The following TENM3 variants were observed in gnomAD, a reference collection of about 807,000 sequenced individuals.
TENM3 encodes the protein teneurin transmembrane protein 3.
TENM3 carries 63 observed loss-of-function variants against 255.1 expected under a neutral mutation model. That is an observed-to-expected ratio of 0.25 (90% confidence interval 0.20 to 0.30). The LOEUF (loss-of-function observed/expected upper bound fraction) is 0.30, where lower values mean the gene tolerates loss of function less well. TENM3 is among the 10% of genes least tolerant of loss of function. The pLI is 1.00. For missense variants in TENM3, 2,929 were observed against 3,461.1 expected (o/e 0.85, Z 3.86); for synonymous variants, 1,306 against 1,322.3 (o/e 0.99, Z 0.27).
At chr4:181,785,333 C>T in the TENM3 span, among the ~76,000 whole-genome samples, 5 of 152,092 alleles carry the variant, frequency 3.3e-5, no homozygotes, top group Admixed American at 6.6e-5. Flanking sequence ...GGCCTGTGGT[C>T]GGAGCGAAGC....
chr4:182,305,998 G>A (rs529146337), intron 1 of TENM3, among the ~76,000 whole-genome samples: 20 of 152,104 alleles, frequency 1.3e-4, no homozygotes, highest in Non-Finnish European at 2.2e-4. Flanking sequence ...CAGAAGCACC[G>A]TCCATATGGG....
intron 3 of TENM3, among the ~76,000 whole-genome samples, chr4:182,353,061 G>A (rs896267070): frequency 6.6e-6 from 1 of 152,092 alleles, no homozygotes; most frequent in African/African-American, 2.4e-5. Context: ...GATCATTCTA[G>A]GACAACACAA....
intron 6 of TENM3, among the ~76,000 whole-genome samples, chr4:182,665,840 G>A (rs1306694641): frequency 6.6e-6 from 1 of 152,104 alleles, no homozygotes; most frequent in African/African-American, 2.4e-5. Context: ...AGGTTGCAGT[G>A]AGCCAAGATG....
the TENM3 span, among the ~76,000 whole-genome samples, chr4:182,041,739 A>T: frequency 1.3e-5 from 2 of 152,296 alleles, no homozygotes; most frequent in East Asian, 3.9e-4. Flanking sequence ...TTTAAAGAAG[A>T]GAAGGTAAGT....
intron 3 of TENM3, among the ~76,000 whole-genome samples, chr4:182,484,929 C>G (rs993163367): frequency 3.9e-5 from 6 of 152,082 alleles, no homozygotes; most frequent in African/African-American, 1.2e-4. Flanking sequence ...GCCACAGATA[C>G]TCCGTGTTTT....
At chr4:181,744,138 T>C in the TENM3 span, among the ~76,000 whole-genome samples, 3 of 152,350 alleles carry the variant, frequency 2.0e-5, no homozygotes, top group African/African-American at 7.2e-5. Flanking sequence ...TCCATGTCGC[T>C]GCAAAGGACA....
At chr4:181,696,522 C>T in the TENM3 span, among the ~76,000 whole-genome samples, 1 of 152,176 alleles carries the variant, frequency 6.6e-6, no homozygotes, top group African/African-American at 2.4e-5. Flanking sequence ...GATTTATGTA[C>T]ATATAATTAT....
the TENM3 span, among the ~76,000 whole-genome samples, chr4:181,725,215 A>G: frequency 6.6e-6 from 1 of 152,098 alleles, no homozygotes; most frequent in Non-Finnish European, 1.5e-5. Context: ...ATTCTGTGGT[A>G]TTCTCTCTTT....
intron 1 of TENM3, among the ~76,000 whole-genome samples, chr4:182,212,405 G>T (rs540418568): frequency 6.6e-6 from 1 of 152,162 alleles, no homozygotes; most frequent in Non-Finnish European, 1.5e-5. Context: ...GCAAGAACGC[G>T]CCTGGAGTCT....
the TENM3 span, among the ~76,000 whole-genome samples, chr4:181,622,248 T>C: frequency 4.6e-5 from 7 of 152,312 alleles, no homozygotes; most frequent in Admixed American, 3.3e-4. Context: ...ACTGCCTCTT[T>C]CCTGCCTCGT....
chr4:181,858,766 C>T, the TENM3 span, among the ~76,000 whole-genome samples: 1 of 152,074 alleles, frequency 6.6e-6, no homozygotes. Context: ...CTAGACGGGC[C>T]AGAGAATTCA....
intron 3 of TENM3, among the ~76,000 whole-genome samples, chr4:182,505,773 C>T (rs1336062293): frequency 1.3e-5 from 2 of 152,086 alleles, no homozygotes; most frequent in Non-Finnish European, 2.9e-5. Context: ...CTTTTTCAAA[C>T]CCAAATCTTA....
the TENM3 span, among the ~76,000 whole-genome samples, chr4:181,515,334 T>C: frequency 1.3e-5 from 2 of 152,144 alleles, no homozygotes; most frequent in African/African-American, 4.8e-5. Flanking sequence ...TTAGAGTTTA[T>C]TGCATTCACT....
At chr4:181,666,271 T>C in the TENM3 span, among the ~76,000 whole-genome samples, 2 of 152,186 alleles carry the variant, frequency 1.3e-5, no homozygotes, top group African/African-American at 4.8e-5. Context: ...TTCGGATAGA[T>C]TTTTAGCAGC....
chr4:182,673,935 G>A (rs1027904890), intron 7 of TENM3, among the ~76,000 whole-genome samples: 3 of 152,080 alleles, frequency 2.0e-5, no homozygotes, highest in Admixed American at 6.5e-5. Context: ...ATACAGTACC[G>A]GGTCATAGTA....
At chr4:181,771,899 C>T in the TENM3 span, among the ~76,000 whole-genome samples, 3 of 152,164 alleles carry the variant, frequency 2.0e-5, no homozygotes, top group East Asian at 5.8e-4. Context: ...AAAACCTGCT[C>T]CTGTGCAAAA....
the TENM3 span, among the ~76,000 whole-genome samples, chr4:181,568,118 T>C: frequency 6.6e-6 from 1 of 152,208 alleles, no homozygotes; most frequent in East Asian, 1.9e-4. Context: ...GAGCCTGTTT[T>C]CTCCATAGGA....
the TENM3 span, among the ~76,000 whole-genome samples, chr4:182,093,855 G>C: frequency 6.6e-6 from 1 of 152,256 alleles, no homozygotes; most frequent in African/African-American, 2.4e-5. Flanking sequence ...AGGAAACCAT[G>C]AAAGATTTCA....
At chr4:182,455,379 C>G (rs990006989) in intron 3 of TENM3, among the ~76,000 whole-genome samples, 2 of 151,998 alleles carry the variant, frequency 1.3e-5, no homozygotes, top group African/African-American at 4.8e-5. Flanking sequence ...AGCCTCCACA[C>G]TGTCGTCACA....
Sources: gnomAD v4.1 joint callset for allele counts (sites outside exome capture counted in the v4.1 genomes callset) on GRCh38, gnomAD v4.1.1 for gene constraint, MANE v1.5 for transcripts, NCBI Gene and HGNC (gene_info 2026-07-23, HGNC 2026-07-21) for gene names.